MIB1: variants seen among roughly 807,000 people sequenced by gnomAD.
MIB1 encodes E3 ubiquitin-protein ligase MIB1.
Under a neutral mutation model 124.5 loss-of-function variants are expected in MIB1, and 278 were observed. The observed-to-expected ratio is 2.23, with a 90% CI of 2.02 to 2.47. The LOEUF (loss-of-function observed/expected upper bound fraction) is 2.47. MIB1 is among the 30% of genes most tolerant of loss of function. The probability of loss-of-function intolerance (pLI) is 0.00; values close to 1 mark genes in which losing one functional copy is unlikely to be tolerated. For synonymous variants in MIB1, 446 were observed against 429.4 expected, an observed-to-expected ratio of 1.04 and a Z score of -0.48; for missense variants, 957 against 1,254.4, an observed-to-expected ratio of 0.76 and a Z score of 3.58.
intron 7 of MIB1, among the ~76,000 whole-genome samples, chr18:21,795,447 A>G (rs950178369): frequency 6.7e-6 from 1 of 148,448 alleles, no homozygotes; most frequent in African/African-American, 2.5e-5. Context: ...TACAAACTAT[A>G]TTAAAGCAGA....
chr18:21,849,155 G>A, intron 16 of MIB1, 41 bp from the exon 17 acceptor site: 1 of 1,257,938 alleles, frequency 7.9e-7, no homozygotes, highest in East Asian at 2.5e-5. Context: ...TAGTGAATTT[G>A]TAATAAGATA....
chr18:21,791,759 A>G (rs534208607), intron 7 of MIB1, among the ~76,000 whole-genome samples: 1 of 152,294 alleles, frequency 6.6e-6, no homozygotes, highest in East Asian at 1.9e-4. Context: ...GGTTACAGTT[A>G]ATATTTAATA....
In MIB1 at chr18:21,779,521, T is replaced by TG. The variant is rs1366513863; in HGVS notation, c.746dup (p.Asp250Ter). ...ACAGGAATCCTGGTGGATTGCAGAT[T>TG]GGTGACCTGGTAAATATAGATCTCG... On this transcript the variant is annotated frameshift_variant, in exon 6 of 21. Coordinates refer to ENST00000261537, the MANE Select transcript of MIB1 (RefSeq NM_020774.4). LOFTEE classifies it high-confidence loss of function. 6.2e-7 allele frequency: 1 copy of TG among 1,614,148 alleles called. No homozygotes were observed. The highest frequency in any genetic ancestry group is 8.5e-7 in the Non-Finnish European group (1 of 1,179,994).
intron 1 of MIB1, among the ~76,000 whole-genome samples, chr18:21,742,666 TAAC>T (rs905781432): frequency 3.3e-5 from 5 of 152,206 alleles, no homozygotes; most frequent in African/African-American, 7.2e-5. Context: ...ACAAAATAAA[TAAC>T]AAATTCATTT....
At chr18:21,777,142 G>A (rs1289065211) in intron 4 of MIB1, among the ~76,000 whole-genome samples, 7 of 152,052 alleles carry the variant, frequency 4.6e-5, no homozygotes, top group African/African-American at 1.7e-4. Context: ...GTGCTGGCCC[G>A]GCGTGGTGGC....
At chr18:21,728,461 C>G (rs957693277) in intron 1 of MIB1, among the ~76,000 whole-genome samples, 1 of 152,000 alleles carries the variant, frequency 6.6e-6, no homozygotes, top group Non-Finnish European at 1.5e-5. Context: ...CCATTGCACT[C>G]TAGCCTGGGA....
intron 9 of MIB1, among the ~76,000 whole-genome samples, chr18:21,801,120 G>A (rs574418001): frequency 1.3e-4 from 19 of 151,954 alleles, no homozygotes; most frequent in Non-Finnish European, 2.1e-4. Flanking sequence ...TTCTACAGAG[G>A]CAGCTATTCT....
intron 7 of MIB1, 90 bp from the exon 8 acceptor site, chr18:21,797,994 A>G: frequency 1.6e-6 from 2 of 1,284,966 alleles, no homozygotes; most frequent in Middle Eastern, 1.9e-4. Flanking sequence ...GTAATAAGTA[A>G]AATCATTACT....
intron 12 of MIB1, chr18:21,831,141 C>T (rs2041976950): frequency 6.7e-6 from 1 of 149,584 alleles, no homozygotes; most frequent in Admixed American, 6.7e-5. Flanking sequence ...ACCCAAAACA[C>T]ACCTTACTCC....
intron 1 of MIB1, among the ~76,000 whole-genome samples, chr18:21,728,907 C>T (rs1023994297): frequency 2.0e-5 from 3 of 152,154 alleles, no homozygotes; most frequent in African/African-American, 7.2e-5. Flanking sequence ...TTTATTCTTC[C>T]TAAGATAGGA....
At chr18:21,764,506 T>C (rs2041133553) in intron 1 of MIB1, among the ~76,000 whole-genome samples, 1 of 152,244 alleles carries the variant, frequency 6.6e-6, no homozygotes, top group South Asian at 2.1e-4. Context: ...TAGAACACGT[T>C]GTCTCACCTT....
chr18:21,864,025 C>T (rs939729053), intron 20 of MIB1, among the ~76,000 whole-genome samples: 21 of 151,976 alleles, frequency 1.4e-4, no homozygotes, highest in African/African-American at 4.3e-4. Flanking sequence ...AAAGAAAGAA[C>T]CAATTGGGAG....
At chr18:21,806,025 C>T (rs1042671683) in intron 10 of MIB1, among the ~76,000 whole-genome samples, 6 of 151,068 alleles carry the variant, frequency 4.0e-5, no homozygotes, top group African/African-American at 1.5e-4. Context: ...GCCTCAGCCT[C>T]CCGAGTAGCT....
At chr18:21,815,061 TTATATATAAATGTA>T (rs2041817278) in intron 10 of MIB1, among the ~76,000 whole-genome samples, 1 of 83,106 alleles carries the variant, frequency 1.2e-5, no homozygotes, top group African/African-American at 4.9e-5. Context: ...ATATATAAAA[TTATATATAAATGTA>T]TATATATAAA....
At chr18:21,798,734 C>T (rs2041615051) in intron 8 of MIB1, among the ~76,000 whole-genome samples, 1 of 152,012 alleles carries the variant, frequency 6.6e-6, no homozygotes, top group Non-Finnish European at 1.5e-5. Context: ...AAAATGTGAA[C>T]ATCCTGGATG....
At position 21,791,645 on chromosome 18, in the gene MIB1, C is replaced by T. The variant is rs1038646652; in HGVS notation, c.1092+88C>T. The T allele has an allele frequency of 3.6e-6, 4 of 1,097,692 alleles. No individual in the cohort carries two copies. The Admixed American group carries it at 9.5e-5, about 26-fold the overall frequency. 68.0% of individuals were successfully genotyped at this position (1,097,692 alleles called of 1,614,324 possible). A position where few individuals can be genotyped will look rare whatever the true frequency, so the allele number is the denominator to read the frequency against. ...TAAATTAATGTAGAAATTAAATTGG[C>T]ATAAAACTTCTTAGAATTGTACTCT... On this transcript the variant is annotated intron_variant, in intron 7 of 20. Coordinates refer to ENST00000261537, the MANE Select transcript of MIB1 (RefSeq NM_020774.4).
chr18:21,840,449 C>T lies in MIB1; in HGVS notation c.1962+1952C>T, dbSNP rs76698983. On this transcript the variant is annotated intron_variant, in intron 13 of 20. Transcript: ENST00000261537. Reference sequence around the variant, plus strand: ...AAAAAACCTTAACTTTACTTCACAACTTACGCAAAAATTAAATGAGTTATA... The same window carrying T: ...AAAAAACCTTAACTTTACTTCACAATTTACGCAAAAATTAAATGAGTTATA... 8.8e-3 allele frequency among the ~76,000 whole-genome samples: 1,340 copies of T among 151,934 alleles called. 21 individuals carry two copies. The highest frequency in any genetic ancestry group is 0.03 in the African/African-American group (1,252 of 41,492).
rs57282241 is a variant in MIB1, at chr18:21,713,612, CAAAAAAAAAAAAAA to C, written n.167+8501_167+8514del. Among the ~76,000 whole-genome samples the C allele has an allele frequency of 3.9e-3, 174 of 44,210 alleles. 1 individual carries two copies. The South Asian group carries it at 0.12, about 31-fold the overall frequency. The allele number at this position is 44,210 out of a possible 152,430, so 29.0% of individuals were successfully genotyped here. On this transcript the variant is annotated intron_variant and non_coding_transcript_variant, in intron 1 of 20. Coordinates refer to the MIB1 transcript ENST00000578646. ...CGGGCGACAGAGCAAGATTCTGTCT[CAAAAAAAAAAAAAA>C]AAAAAAAAAAAGCTTAATTAAGACA...
chr18:21,761,630 G>A (rs1003989621), intron 1 of MIB1, among the ~76,000 whole-genome samples: 6 of 152,080 alleles, frequency 3.9e-5, no homozygotes, highest in Admixed American at 3.9e-4. Flanking sequence ...GTGGACATTT[G>A]TAACTGCCTC....
Sources: gnomAD v4.1 joint callset for allele counts (sites outside exome capture counted in the v4.1 genomes callset) on GRCh38, gnomAD v4.1.1 for gene constraint, MANE v1.5 for transcripts, NCBI Gene and HGNC (gene_info 2026-07-23, HGNC 2026-07-21) for gene names.